DIS3L2: variants seen among roughly 807,000 people sequenced by gnomAD.
DIS3L2 encodes the protein DIS3-like exonuclease 2.
A neutral mutation model predicts 97.5 loss-of-function variants in DIS3L2; 34 were observed. The ratio of observed to expected loss-of-function variants is 0.35; its 90% confidence interval spans 0.27 to 0.46. DIS3L2 has a LOEUF of 0.46. DIS3L2 is among the 20% of genes least tolerant of loss of function. The pLI is 1.00. For synonymous variants in DIS3L2, 435 were observed against 445.2 expected (o/e 0.98, Z 0.29); for missense variants, 1,038 against 1,146.0 (o/e 0.91, Z 1.36).
rs1693868488 is a variant in DIS3L2 at position 232,266,864 on chromosome 2, G to A, written c.1659+3424G>A. On this transcript the variant is annotated intron_variant, in intron 13 of 20. Transcript: ENST00000325385. Reference sequence around the variant, plus strand: ...GCCTCAATTAGAGATGAGTCTGTGCGAGGGGGTACCATTTATTTACACATC... The same window carrying A: ...GCCTCAATTAGAGATGAGTCTGTGCAAGGGGGTACCATTTATTTACACATC... 2.0e-5 allele frequency among the ~76,000 whole-genome samples: 3 copies of A among 152,258 alleles called. No homozygotes were observed. In the South Asian group the frequency reaches 6.2e-4, roughly 32 times the overall value.
rs36151054 is a variant in DIS3L2, at chr2:231,966,641, A to ATTTTTTTTTTTTT, written c.-94+4898_-94+4910dup. ...CACCATGCCCAGCTAGTTAAAAAAC[A>ATTTTTTTTTTTTT]TTTTTTTTTTTTTTTTTTTTTTTTT... is the stretch of plus-strand genomic sequence containing the variant. On this transcript the variant is annotated intron_variant, in intron 1 of 20. Transcript: ENST00000325385. Among the ~76,000 whole-genome samples the ATTTTTTTTTTTTT allele has an allele frequency of 8.5e-4, 43 of 50,394 alleles. 2 individuals carry two copies. The highest frequency in any genetic ancestry group is 9.3e-4 in the Non-Finnish European group (26 of 27,940). The allele number at this position is 50,394 out of a possible 152,430, so 33.1% of individuals were successfully genotyped here.
intron 5 of DIS3L2, among the ~76,000 whole-genome samples, chr2:232,072,826 G>A (rs1696067907): frequency 6.8e-6 from 1 of 146,036 alleles, no homozygotes; most frequent in South Asian, 2.3e-4. Context: ...GTGTTGCTGT[G>A]TGTTTGAGAG....
intron 1 of DIS3L2, among the ~76,000 whole-genome samples, chr2:232,008,880 G>C (rs3116222): frequency 0.46 from 69,363 of 152,052 alleles, 18,356 homozygotes; most frequent in Non-Finnish European, 0.6. Context: ...TACAATTCTT[G>C]ACTTTGGAAT....
rs1695809386 is a variant in DIS3L2 at position 232,333,189 on chromosome 2, C to CTGT, written c.2011-651_2011-650insTGT. Among the ~76,000 whole-genome samples the CTGT allele has an allele frequency of 5.8e-5, 3 of 51,642 alleles. No homozygotes were observed. The Admixed American group carries it at 6.9e-4, about 12-fold the overall frequency. 33.9% of individuals were successfully genotyped at this position (51,642 alleles called of 152,430 possible). On this transcript the variant is annotated intron_variant, in intron 16 of 20. Transcript: ENST00000325385. The stretch of plus-strand genomic sequence containing the variant: ...TCCTCCGCTGTCGCCTCCTCCTCCT[C>CTGT]CTCCTCCTCCTCCTCCTCCTCCTCC...
chr2:232,321,228 G>A (rs1284724677), intron 14 of DIS3L2, among the ~76,000 whole-genome samples: 3 of 152,214 alleles, frequency 2.0e-5, no homozygotes, highest in Non-Finnish European at 4.4e-5. Context: ...GACCCCCAGA[G>A]CACTAGCAGC....
intron 5 of DIS3L2, among the ~76,000 whole-genome samples, chr2:232,076,949 C>A (rs1008637562): frequency 1.3e-5 from 2 of 152,194 alleles, no homozygotes; most frequent in Admixed American, 1.3e-4. Context: ...TGCCATTCCT[C>A]TGCCAACACA....
At chr2:232,247,636 C>A (rs57383251) in intron 11 of DIS3L2, among the ~76,000 whole-genome samples, 1 of 7,680 alleles carries the variant, frequency 1.3e-4, no homozygotes, top group Non-Finnish European at 3.4e-4. Flanking sequence ...GGGGGGGGGG[C>A]GGGGGGGAGG....
In DIS3L2 at chr2:232,037,034, C is replaced by T. The variant is rs1318138455; in HGVS notation, c.366+6954C>T. Among the ~76,000 whole-genome samples, 2 of 152,220 alleles carry T rather than the reference C, an allele frequency of 1.3e-5. No individual in the cohort carries two copies. The highest frequency in any genetic ancestry group is 3.9e-4 in the East Asian group (2 of 5,188). ...CACTTGAGGAGGCAATCTGAGGAGG[C>T]AATCTGTCCCTTAGCAGAGCTAGAG... On this transcript the variant is annotated intron_variant, in intron 5 of 20. Coordinates refer to ENST00000325385, the MANE Select transcript of DIS3L2 (RefSeq NM_152383.5). This position sits in a 1 kb window ranked among gnomAD's most constrained non-coding sequence, Gnocchi z 4.6.
chr2:232,208,684 T>C (rs1211402089), intron 9 of DIS3L2, among the ~76,000 whole-genome samples: 1 of 152,226 alleles, frequency 6.6e-6, no homozygotes, highest in African/African-American at 2.4e-5. Flanking sequence ...TGCTAAATAC[T>C]GTTCCATTTT....
In DIS3L2 at chr2:232,268,001, CTCT is replaced by C. The variant is rs1693894767; in HGVS notation, c.1659+4564_1659+4566del. 6.6e-6 allele frequency among the ~76,000 whole-genome samples: 1 copy of C among 152,228 alleles called. No homozygotes were observed. Among genetic ancestry groups the C allele is most frequent in the Non-Finnish European group, 1.5e-5 (1 of 68,040 alleles). ...TGCCTGCTGGGGTTCTCTCTCTAGC[CTCT>C]TCCTCATCAGTCAGGTGGCAGTACC... On this transcript the variant is annotated intron_variant, in intron 13 of 20. Transcript: ENST00000325385. The surrounding 1 kb of genome is among the most constrained non-coding windows in gnomAD (Gnocchi z 4.1).
At chr2:232,260,867 C>T (rs1693695293) in intron 12 of DIS3L2, among the ~76,000 whole-genome samples, 1 of 152,122 alleles carries the variant, frequency 6.6e-6, no homozygotes, top group Non-Finnish European at 1.5e-5. Context: ...AGTCCTTCCC[C>T]ATGGGGAATG....
chr2:232,104,130 G>A (rs537618992), intron 6 of DIS3L2, among the ~76,000 whole-genome samples: 2 of 152,134 alleles, frequency 1.3e-5, no homozygotes, highest in African/African-American at 4.8e-5. Context: ...TTTAGATATG[G>A]TAAATGTGAG....
chr2:232,166,588 C>T (rs758931223), intron 9 of DIS3L2, among the ~76,000 whole-genome samples: 32 of 151,496 alleles, frequency 2.1e-4, no homozygotes, highest in South Asian at 2.1e-4. Context: ...TAGTAGTACG[C>T]GCCTGTAGTC....
Position 231,988,889 on chromosome 2 carries a change from T to C in DIS3L2, c.-93-25946T>C, listed in dbSNP as rs577113836. On this transcript the variant is annotated intron_variant, in intron 1 of 20. Transcript: ENST00000325385. The stretch of plus-strand genomic sequence containing the variant: ...CAAGTTTTTATGAACACTGACATTT[T>C]ATTTGAACTGATATGAACCTAGGGA... Among the ~76,000 whole-genome samples the C allele has an allele frequency of 2.0e-5, 3 of 152,382 alleles. No homozygotes were observed. In the South Asian group the frequency reaches 6.2e-4, roughly 32 times the overall value.
chr2:232,057,999 C>T (rs568517142), intron 5 of DIS3L2, among the ~76,000 whole-genome samples: 1 of 152,174 alleles, frequency 6.6e-6, no homozygotes, highest in Non-Finnish European at 1.5e-5. Flanking sequence ...TGGCATTCCT[C>T]TGTATTTCCT....
chr2:232,006,631 G>A (rs558737259), intron 1 of DIS3L2, among the ~76,000 whole-genome samples: 1 of 152,242 alleles, frequency 6.6e-6, no homozygotes, highest in East Asian at 1.9e-4. Flanking sequence ...GAAGAGCAGA[G>A]CTGGAGATGA....
intron 6 of DIS3L2, among the ~76,000 whole-genome samples, chr2:232,114,192 A>G (rs1697628846): frequency 1.3e-5 from 2 of 152,110 alleles, no homozygotes; most frequent in South Asian, 4.2e-4. Flanking sequence ...GAGTAATAAT[A>G]AGACTCCCGT....
chr2:231,995,296 T>G (rs1457293444), intron 1 of DIS3L2, among the ~76,000 whole-genome samples: 1 of 152,174 alleles, frequency 6.6e-6, no homozygotes, highest in Non-Finnish European at 1.5e-5. Flanking sequence ...GGTTCAGCAA[T>G]GGGTGCCACC....
At chr2:232,289,857 G>A (rs890690409) in intron 13 of DIS3L2, among the ~76,000 whole-genome samples, 1 of 152,228 alleles carries the variant, frequency 6.6e-6, no homozygotes, top group African/African-American at 2.4e-5. Context: ...AGCTTGGGTA[G>A]GACCACTGCT....
Sources: gnomAD v4.1 joint callset for allele counts (sites outside exome capture counted in the v4.1 genomes callset) on GRCh38, gnomAD v4.1.1 for gene constraint, Gnocchi (gnomAD v3.1) non-coding constraint, MANE v1.5 for transcripts, NCBI Gene and HGNC (gene_info 2026-07-23, HGNC 2026-07-21) for gene names.